The following LRP1B variants were observed in gnomAD, a reference collection of about 807,000 sequenced individuals.
LRP1B encodes the protein low-density lipoprotein receptor-related protein 1B.
In LRP1B, 217 loss-of-function variants were observed where a neutral mutation model predicts 556.6. The ratio of observed to expected loss-of-function variants is 0.39; its 90% CI spans 0.35 to 0.44. The LOEUF (loss-of-function observed/expected upper bound fraction) is 0.44, where lower values mean the gene tolerates loss of function less well. Ranked by LOEUF, LRP1B falls within the 20% of genes least tolerant of loss-of-function variation. The pLI is 1.00. For synonymous variants in LRP1B, 2,047 were observed against 1,865.8 expected, an observed-to-expected ratio of 1.10 and a Z score of -2.50; for missense variants, 5,053 against 5,620.8, an observed-to-expected ratio of 0.90 and a Z score of 3.23.
intron 7 of LRP1B, among the ~76,000 whole-genome samples, chr2:141,063,077 T>A (rs1303542762): frequency 6.6e-6 from 1 of 151,826 alleles, no homozygotes; most frequent in Admixed American, 6.6e-5. Context: ...ACAAATCAAT[T>A]TTAATTAACC....
chr2:140,750,510 T>G (rs548658276), intron 35 of LRP1B, among the ~76,000 whole-genome samples: 33 of 152,232 alleles, frequency 2.2e-4, no homozygotes, highest in Admixed American at 3.3e-4. Context: ...CTGTATTGCT[T>G]TGAGTAAGAT....
chr2:140,333,430 G>A (rs1552437), intron 79 of LRP1B, among the ~76,000 whole-genome samples: 3,087 of 152,104 alleles, frequency 0.02, 36 homozygotes, highest in African/African-American at 0.028. Flanking sequence ...ACAATTTCTG[G>A]CACATGGTAG....
intron 5 of LRP1B, among the ~76,000 whole-genome samples, chr2:141,231,301 G>A (rs1486428751): frequency 6.6e-6 from 1 of 152,326 alleles, no homozygotes; most frequent in East Asian, 1.9e-4. Flanking sequence ...GTTTGTCTCA[G>A]ATAGAAGAGC....
At chr2:140,807,926 T>G (rs1690779979) in intron 32 of LRP1B, among the ~76,000 whole-genome samples, 2 of 152,024 alleles carry the variant, frequency 1.3e-5, no homozygotes. Context: ...ACCCCGTCTC[T>G]ACTGAAAATA....
intron 27 of LRP1B, among the ~76,000 whole-genome samples, chr2:140,858,510 G>GAGAGAGAGAC (rs1223126718): frequency 1.3e-5 from 2 of 149,404 alleles, no homozygotes; most frequent in Non-Finnish European, 3.0e-5. Context: ...TGGAGAGAGA[G>GAGAGAGAGAC]AGAGAGAGAG....
At position 141,300,515 on chromosome 2, in the gene LRP1B, A is replaced by G. The variant is rs576995797; in HGVS notation, c.344-45874T>C. Reference sequence around the variant, plus strand: ...GGTTTGGATCAGTGTCCTCAACCAAATCTTAGGTCAAATTGATAGCCTCAA... The same window carrying G: ...GGTTTGGATCAGTGTCCTCAACCAAGTCTTAGGTCAAATTGATAGCCTCAA... On this transcript the variant is annotated intron_variant, in intron 3 of 90. Transcript: ENST00000389484. Among the ~76,000 whole-genome samples, 6 of 152,298 alleles carry G rather than the reference A, an allele frequency of 3.9e-5. No individual in the cohort carries two copies. In the South Asian group the frequency reaches 1.2e-3, roughly 32 times the overall value.
chr2:140,686,162 A>T (rs1311081144), intron 41 of LRP1B, among the ~76,000 whole-genome samples: 1 of 152,160 alleles, frequency 6.6e-6, no homozygotes, highest in Non-Finnish European at 1.5e-5. Flanking sequence ...GTAGGACTAG[A>T]GGACAGGGTG....
chr2:140,527,045 G>A (rs1234811730), intron 47 of LRP1B, among the ~76,000 whole-genome samples: 1 of 151,746 alleles, frequency 6.6e-6, no homozygotes, highest in African/African-American at 2.4e-5. Context: ...ACATATACAC[G>A]TGTCATTCCT....
chr2:141,131,563 T>G (rs2105027896), intron 7 of LRP1B, among the ~76,000 whole-genome samples: 2 of 151,628 alleles, frequency 1.3e-5, no homozygotes, highest in East Asian at 1.9e-4. Context: ...AACCATTATT[T>G]TACATTCTAT....
Position 140,522,365 on chromosome 2 carries a change from T to A in LRP1B, c.8026+3479A>T, listed in dbSNP as rs140703171. ...GAAATTAAAGCAGATAACAAATGATTATTTGAAACAAATGAAAGCAGAGAC... is the reference window on the plus strand; with the variant it reads ...GAAATTAAAGCAGATAACAAATGATAATTTGAAACAAATGAAAGCAGAGAC... On this transcript the variant is annotated intron_variant, in intron 49 of 90. Coordinates refer to ENST00000389484, the MANE Select transcript of LRP1B (RefSeq NM_018557.3). Among the ~76,000 whole-genome samples the A allele has an allele frequency of 3.1e-4, 47 of 152,056 alleles. No individual in the cohort carries two copies. In the East Asian group the frequency reaches 8.5e-3, roughly 28 times the overall value.
At chr2:141,234,002 A>C (rs1683565693) in intron 5 of LRP1B, among the ~76,000 whole-genome samples, 1 of 152,144 alleles carries the variant, frequency 6.6e-6, no homozygotes, top group South Asian at 2.1e-4. Flanking sequence ...TTCTGAAGTC[A>C]TAGATGAAAA....
At chr2:140,459,242 C>T (rs1687221102) in intron 60 of LRP1B, among the ~76,000 whole-genome samples, 2 of 151,970 alleles carry the variant, frequency 1.3e-5, no homozygotes, top group Non-Finnish European at 1.5e-5. Flanking sequence ...TGTATAAATT[C>T]ATACAAAAAA....
At chr2:141,602,274 T>G (rs1189716415) in intron 2 of LRP1B, among the ~76,000 whole-genome samples, 3 of 152,198 alleles carry the variant, frequency 2.0e-5, no homozygotes, top group African/African-American at 4.8e-5. Flanking sequence ...ACCATAAATC[T>G]GGTGAGGTTG....
intron 1 of LRP1B, among the ~76,000 whole-genome samples, chr2:141,918,348 A>T (rs1230218317): frequency 6.6e-6 from 1 of 152,132 alleles, no homozygotes; most frequent in African/African-American, 2.4e-5. Context: ...GTTGTATAGC[A>T]TAGAAAAAAA....
intron 1 of LRP1B, among the ~76,000 whole-genome samples, chr2:142,062,945 G>C (rs1000177670): frequency 3.3e-5 from 5 of 150,144 alleles, no homozygotes; most frequent in Non-Finnish European, 5.9e-5. Flanking sequence ...GAAAGTATTA[G>C]CTCTATCTAA....
chr2:141,015,601 T>G, intron 13 of LRP1B, 95 bp downstream of exon 13: 2 of 1,039,838 alleles, frequency 1.9e-6, no homozygotes, highest in Non-Finnish European at 2.8e-6. Flanking sequence ...CTCAGAGGAG[T>G]AAAAATAAAC....
intron 7 of LRP1B, among the ~76,000 whole-genome samples, chr2:141,161,570 G>C (rs1005940797): frequency 6.6e-6 from 1 of 152,096 alleles, no homozygotes. Flanking sequence ...CCACACCTTT[G>C]TAAAGCAAAG....
chr2:140,739,245 A>G (rs1050851756), intron 35 of LRP1B, among the ~76,000 whole-genome samples: 11 of 152,226 alleles, frequency 7.2e-5, no homozygotes, highest in African/African-American at 2.7e-4. Context: ...AGAACATTGT[A>G]GCCTTTGCAG....
At chr2:140,539,516 C>A (rs893385996) in intron 45 of LRP1B, among the ~76,000 whole-genome samples, 1 of 152,074 alleles carries the variant, frequency 6.6e-6, no homozygotes, top group Non-Finnish European at 1.5e-5. Context: ...CATTTCCTCT[C>A]GTCAACAGAG....
Sources: gnomAD v4.1 joint callset for allele counts (sites outside exome capture counted in the v4.1 genomes callset) on GRCh38, gnomAD v4.1.1 for gene constraint, MANE v1.5 for transcripts, NCBI Gene and HGNC (gene_info 2026-07-23, HGNC 2026-07-21) for gene names.